The following RESF1 variants were observed in gnomAD, a reference collection of about 807,000 sequenced individuals.
RESF1 encodes retroelement silencing factor 1.
In RESF1, 65 loss-of-function variants were observed where a neutral mutation model predicts 134.7. The observed-to-expected ratio is 0.48, with a 90% CI of 0.40 to 0.59. RESF1 has a LOEUF of 0.59. RESF1 is among the 20% of genes least tolerant of loss of function. The pLI, the probability that RESF1 is intolerant of heterozygous loss-of-function variation, is 0.00. For missense variants in RESF1, 2,274 were observed against 2,002.7 expected (o/e 1.14, Z -2.59); for synonymous variants, 762 against 702.2 (o/e 1.09, Z -1.35).
chr12:31,983,105 G>T lies in RESF1; in HGVS notation c.2150G>T (p.Cys717Phe). Reference protein sequence around the residue: ...KPANIHVKSPCSVVGNSNSQN... With the variant: ...KPANIHVKSPFSVVGNSNSQN... ...GCTAACATCCACGTTAAGAGTCCTTGTTCAGTTGTGGGAAATTCAAATTCT... is the reference window on the plus strand; with the variant it reads ...GCTAACATCCACGTTAAGAGTCCTTTTTCAGTTGTGGGAAATTCAAATTCT... Residue 717 changes from cysteine to phenylalanine, a missense_variant, in exon 4 of 6, where the codon TGT becomes TTT. Coordinates refer to ENST00000312561, the MANE Select transcript of RESF1 (RefSeq NM_018169.4). The T allele has an allele frequency of 6.2e-7, 1 of 1,612,316 alleles. No homozygotes were observed. Among genetic ancestry groups the T allele is most frequent in the Non-Finnish European group, 8.5e-7 (1 of 1,179,472 alleles).
Position 31,992,247 on chromosome 12 carries a change from T to C in RESF1, c.5087-131T>C, listed in dbSNP as rs554726732. 389 of 753,144 alleles carry C rather than the reference T, an allele frequency of 5.2e-4. 2 individuals are homozygous for C. The African/African-American group carries it at 6.0e-3, about 12-fold the overall frequency. 46.7% of individuals were successfully genotyped at this position (753,144 alleles called of 1,614,324 possible). A position where few individuals can be genotyped will look rare whatever the true frequency, so the allele number is the denominator to read the frequency against. On this transcript the variant is annotated intron_variant, in intron 5 of 5. Transcript: ENST00000312561. Reference sequence around the variant, plus strand: ...TTCTATAAGTGAAGAGCTATGGTTCTGAAACTTTTGCTTAACTCCTTGCCT... The same window carrying C: ...TTCTATAAGTGAAGAGCTATGGTTCCGAAACTTTTGCTTAACTCCTTGCCT...
rs1433117335 is a variant in RESF1 at position 31,985,322 on chromosome 12, A to G, written c.4367A>G (p.Lys1456Arg). ...GAGTATTTACAAAGGCAGAAGCATA[A>G]AGAAGCTCTGAGTAATAAAGCATCG... is the stretch of plus-strand genomic sequence containing the variant. ...PKEYLQRQKH[K>R]EALSNKASKK... The change falls in exon 4 of 6, where the codon AAA becomes AGA. Residue 1456 changes from lysine (K) to arginine (R), a missense_variant. Lys to Arg is a conservative substitution (Grantham distance 26, BLOSUM62 2). Transcript: ENST00000312561. 1 of 1,612,526 alleles carries G rather than the reference A, an allele frequency of 6.2e-7. No homozygotes were observed. Among genetic ancestry groups the G allele is most frequent in the Non-Finnish European group, 8.5e-7 (1 of 1,179,682 alleles).
At chr12:31,991,875 CATT>C (rs1428694735) in intron 5 of RESF1, among the ~76,000 whole-genome samples, 1 of 152,058 alleles carries the variant, frequency 6.6e-6, no homozygotes, top group Non-Finnish European at 1.5e-5. Flanking sequence ...GGTGATGGGT[CATT>C]ATGAAAAAAG....
At chr12:31,967,759 C>A (rs533773639) in intron 2 of RESF1, among the ~76,000 whole-genome samples, 2 of 151,956 alleles carry the variant, frequency 1.3e-5, no homozygotes, top group African/African-American at 4.8e-5. Flanking sequence ...CACCACCCAG[C>A]GTGGAAGAAT....
rs12320740 is a variant in RESF1, at chr12:31,981,559, A to G, written c.604A>G (p.Ile202Val). 1.6e-3 allele frequency: 2,574 copies of G among 1,614,158 alleles called. 41 individuals carry two copies. In the African/African-American group the frequency reaches 0.031, roughly 19 times the overall value. The change falls in exon 4 of 6, where the codon ATA becomes GTA. Residue 202 changes from isoleucine to valine, a missense_variant. Transcript: ENST00000312561. ...EQQVDWTQQC[I>V]SKGLTYPDYR... ...ACAGGTTGATTGGACACAACAGTGT[A>G]TATCTAAGGGACTGACTTACCCAGA...
At chr12:31,970,936 G>A (rs1409750018) in intron 3 of RESF1, among the ~76,000 whole-genome samples, 1 of 152,044 alleles carries the variant, frequency 6.6e-6, no homozygotes, top group Non-Finnish European at 1.5e-5. Flanking sequence ...AACTCTGTTG[G>A]TATGTCTTCC....
Position 31,983,866 on chromosome 12 carries a change from G to C in RESF1, c.2911G>C (p.Asp971His). 1 of 1,613,492 alleles carries C rather than the reference G, an allele frequency of 6.2e-7. No homozygotes were observed. Among genetic ancestry groups the C allele is most frequent in the Non-Finnish European group, 8.5e-7 (1 of 1,180,010 alleles). ...CACAGATGTTTCACATAAAATATGT[G>C]ATCAGTCAAAGTCAGAGCCACCCTT... ...QCTDVSHKIC[D>H]QSKSEPPLES... The change falls in exon 4 of 6, where the codon GAT (aspartate) becomes CAT (histidine). Residue 971 changes from aspartate to histidine, a missense_variant. Asp to His is a moderately conservative substitution (Grantham distance 81, BLOSUM62 -1). Transcript: ENST00000312561.
chr12:31,985,035 A>G lies in RESF1; in HGVS notation c.4080A>G (p.Glu1360=). 3 of 1,587,010 alleles carry G rather than the reference A, an allele frequency of 1.9e-6. No homozygotes were observed. The highest frequency in any genetic ancestry group is 2.6e-6 in the Non-Finnish European group (3 of 1,173,018). Residue 1360 remains glutamate (E), a synonymous_variant, in exon 4 of 6, where the codon GAA becomes GAG. Coordinates refer to ENST00000312561, the MANE Select transcript of RESF1 (RefSeq NM_018169.4). ...CTTTGGGACAGTCATTATCACCAGA[A>G]AAGATAAAATTGAAACTCAAATCAG... ...HSSLGQSLSP[E]KIKLKLKSVS... is the part of the protein sequence containing the mutation.
At chr12:31,989,396 CAAAAAA>C (rs34529486) in intron 5 of RESF1, among the ~76,000 whole-genome samples, 2 of 98,232 alleles carry the variant, frequency 2.0e-5, no homozygotes, top group Admixed American at 1.2e-4. Flanking sequence ...AGTCTTGTCT[CAAAAAA>C]AAAAAAAAAA....
intron 2 of RESF1, among the ~76,000 whole-genome samples, chr12:31,965,830 G>T (rs1332577899): frequency 6.7e-6 from 1 of 148,974 alleles, no homozygotes; most frequent in Non-Finnish European, 1.5e-5. Context: ...GGTGGAGGTT[G>T]CAGTGAGCCA....
At chr12:31,979,610 T>C (rs1268868234) in intron 3 of RESF1, among the ~76,000 whole-genome samples, 1 of 152,002 alleles carries the variant, frequency 6.6e-6, no homozygotes, top group Non-Finnish European at 1.5e-5. Flanking sequence ...CCACCATGGC[T>C]CACTGCAGCC....
At chr12:31,969,409 TGA>T (rs1397361072) in intron 2 of RESF1, among the ~76,000 whole-genome samples, 1 of 152,090 alleles carries the variant, frequency 6.6e-6, no homozygotes, top group Non-Finnish European at 1.5e-5. Context: ...GAAGCTGTGG[TGA>T]GAGAATTGCT....
chr12:31,972,435 T>C (rs1433288677), intron 3 of RESF1, among the ~76,000 whole-genome samples: 4 of 151,516 alleles, frequency 2.6e-5, no homozygotes, highest in Non-Finnish European at 5.9e-5. Context: ...TGAAACCCTG[T>C]CTCTACTAAA....
intron 2 of RESF1, among the ~76,000 whole-genome samples, chr12:31,966,291 G>A (rs1334159074): frequency 6.6e-6 from 1 of 152,218 alleles, no homozygotes; most frequent in African/African-American, 2.4e-5. Context: ...TTTAGTAGAT[G>A]TTTCCTTGAG....
Position 31,985,141 on chromosome 12 carries a change from G to C in RESF1, c.4186G>C (p.Glu1396Gln). Reference sequence around the variant, plus strand: ...AAAGAAAAAGAAACATGATAAACAAGAACAGAAAGGAAGTGTGGGAGCTAC... The same window carrying C: ...AAAGAAAAAGAAACATGATAAACAACAACAGAAAGGAAGTGTGGGAGCTAC... ...EVKKKKHDKQ[E>Q]QKGSVGATFK... The change falls in exon 4 of 6, where the codon GAA becomes CAA. Residue 1396 changes from glutamate (E) to glutamine (Q), a missense_variant. Glu to Gln is a conservative substitution (Grantham distance 29, BLOSUM62 2). Transcript: ENST00000312561. 6.5e-7 allele frequency: 1 copy of C among 1,549,236 alleles called. No individual in the cohort carries two copies. The highest frequency in any genetic ancestry group is 8.6e-7 in the Non-Finnish European group (1 of 1,156,284).
intron 3 of RESF1, among the ~76,000 whole-genome samples, chr12:31,971,532 G>C (rs1939508090): frequency 6.6e-6 from 1 of 152,168 alleles, no homozygotes; most frequent in Admixed American, 6.5e-5. Context: ...ATATCTCTTG[G>C]AAACAATAAC....
At chr12:31,964,456 C>G (rs1939353459) in intron 2 of RESF1, among the ~76,000 whole-genome samples, 1 of 152,184 alleles carries the variant, frequency 6.6e-6, no homozygotes, top group Non-Finnish European at 1.5e-5. Flanking sequence ...CTGCAAAGGA[C>G]ATGATCTCAT....
intron 3 of RESF1, 139 bp from the exon 4 acceptor site, chr12:31,980,739 A>G (rs918906493): frequency 7.2e-5 from 34 of 473,348 alleles, no homozygotes; most frequent in Non-Finnish European, 1.0e-4. Context: ...TGTATCCTCT[A>G]TTGCTCCTCT....
intron 1 of RESF1, among the ~76,000 whole-genome samples, chr12:31,960,524 GTAT>G (rs1221531208): frequency 3.3e-5 from 5 of 152,302 alleles, no homozygotes; most frequent in Non-Finnish European, 5.9e-5. Context: ...CAGAGATAAA[GTAT>G]TATTGTTTTG....
Sources: gnomAD v4.1 joint callset for allele counts (sites outside exome capture counted in the v4.1 genomes callset) on GRCh38, gnomAD v4.1.1 for gene constraint, MANE v1.5 for transcripts, NCBI Gene and HGNC (gene_info 2026-07-23, HGNC 2026-07-21) for gene names.